TRIO: variants seen among roughly 807,000 people sequenced by gnomAD.
TRIO encodes trio Rho guanine nucleotide exchange factor, also known as triple functional domain protein.
Under a neutral mutation model 351.9 loss-of-function variants are expected in TRIO, and 58 were observed. The ratio of observed to expected loss-of-function variants is 0.16; its 90% CI spans 0.13 to 0.21. The LOEUF (loss-of-function observed/expected upper bound fraction) is 0.21, where lower values mean the gene tolerates loss of function less well. Ranked by LOEUF, TRIO falls within the 10% of genes least tolerant of loss-of-function variation. TRIO has a pLI of 1.00. For synonymous variants in TRIO, 1,758 were observed against 1,595.7 expected, an observed-to-expected ratio of 1.10 and a Z score of -2.42; for missense variants, 3,201 against 4,027.8, an observed-to-expected ratio of 0.79 and a Z score of 5.56.
At chr5:14,261,350 G>A (rs2152260668) in intron 1 of TRIO, among the ~76,000 whole-genome samples, 1 of 152,292 alleles carries the variant, frequency 6.6e-6, no homozygotes, top group Middle Eastern at 3.4e-3. Flanking sequence ...TGTGCTGGGA[G>A]GCCTCACAGA....
chr5:14,492,717 G>A lies in TRIO; in HGVS notation c.7783G>A (p.Ala2595Thr), dbSNP rs369051747. ...GAACATGTTTCTGGTGTTCCGAGCC[G>A]CCACTGACCAGTGCCCCGCAGCTGA... The part of the protein sequence containing the change: ...QQNMFLVFRA[A>T]TDQCPAAEGW... Residue 2595 changes from alanine to threonine, a missense_variant, in exon 49 of 57, where the codon GCC becomes ACC. Ala to Thr is a moderately conservative substitution (Grantham distance 58, BLOSUM62 0). This residue lies in a region of TRIO where 1,089 missense variants were observed against 954.9 expected (regional missense o/e 1.14). Transcript: ENST00000344204. 7.4e-6 allele frequency: 12 copies of A among 1,613,986 alleles called. No homozygotes were observed. Among genetic ancestry groups the A allele is most frequent in the African/African-American group, 2.7e-5 (2 of 74,920 alleles).
In TRIO at chr5:14,480,804, G is replaced by T. The variant is rs73749282; in HGVS notation, c.6337-430G>T. 4.3e-3 allele frequency among the ~76,000 whole-genome samples: 652 copies of T among 152,132 alleles called. 11 individuals carry two copies. The highest frequency in any genetic ancestry group is 0.015 in the African/African-American group (635 of 41,510). ...AATAATATGATAAAGTAGAACTAAG[G>T]CACCAGACAGGTGTGGTGGTACACA... On this transcript the variant is annotated intron_variant, in intron 43 of 56. Transcript: ENST00000344204.
At chr5:14,437,385 G>C (rs534556316) in intron 34 of TRIO, among the ~76,000 whole-genome samples, 1 of 152,130 alleles carries the variant, frequency 6.6e-6, no homozygotes, top group African/African-American at 2.4e-5. Context: ...GGGTGATGTT[G>C]TTCAGCTGGG....
At chr5:14,428,884 C>A (rs564189182) in intron 34 of TRIO, among the ~76,000 whole-genome samples, 1 of 152,148 alleles carries the variant, frequency 6.6e-6, no homozygotes. Context: ...GAGGGGGTGA[C>A]TCATGGGCCA....
At chr5:14,397,722 C>T (rs1317590934) in intron 29 of TRIO, among the ~76,000 whole-genome samples, 1 of 152,326 alleles carries the variant, frequency 6.6e-6, no homozygotes, top group African/African-American at 2.4e-5. Flanking sequence ...AAGTTTTAAT[C>T]CTGCCCCAAA....
Position 14,487,851 on chromosome 5 carries a change from C to A in TRIO, c.7223C>A (p.Pro2408Gln), listed in dbSNP as rs763823109. The stretch of plus-strand genomic sequence containing the variant: ...GAGGGGTCCGAGCGAGAAGCGGAGC[C>A]GATCCCCAAGATGAAGGTGCTGGAG... Reference protein sequence around the residue: ...DAEGSEREAEPIPKMKVLESP... With the variant: ...DAEGSEREAEQIPKMKVLESP... Residue 2408 changes from proline (P) to glutamine (Q), a missense_variant, in exon 48 of 57, where the codon CCG becomes CAG. Transcript: ENST00000344204. 23 of 1,528,190 alleles carry A rather than the reference C, an allele frequency of 1.5e-5. No individual in the cohort carries two copies. The African/African-American group carries it at 3.3e-4, about 22-fold the overall frequency. 94.7% of individuals were successfully genotyped at this position (1,528,190 alleles called of 1,614,324 possible).
At chr5:14,469,084 A>T (rs1754488873) in intron 37 of TRIO, among the ~76,000 whole-genome samples, 1 of 152,192 alleles carries the variant, frequency 6.6e-6, no homozygotes, top group African/African-American at 2.4e-5. Flanking sequence ...ATCAAAATAT[A>T]AAGGGAGAAA....
intron 33 of TRIO, 146 bp downstream of exon 33, chr5:14,406,818 T>G: frequency 1.3e-6 from 1 of 740,848 alleles, no homozygotes; most frequent in Non-Finnish European, 2.2e-6. Flanking sequence ...GATCCCGTGG[T>G]GGGGCAGAGA....
intron 34 of TRIO, among the ~76,000 whole-genome samples, chr5:14,442,713 C>A: frequency 6.6e-6 from 1 of 152,170 alleles, no homozygotes; most frequent in East Asian, 1.9e-4. Context: ...AATTCCTGCA[C>A]TGGGTGGGTT....
intron 48 of TRIO, among the ~76,000 whole-genome samples, chr5:14,490,363 CTG>C (rs1217851261): frequency 2.6e-5 from 4 of 152,242 alleles, no homozygotes; most frequent in South Asian, 4.1e-4. Flanking sequence ...GTCAAGCTGT[CTG>C]TGGTCACAGT....
intron 32 of TRIO, chr5:14,406,354 T>G: frequency 5.2e-6 from 3 of 576,764 alleles, no homozygotes; most frequent in Non-Finnish European, 6.2e-6. Flanking sequence ...CTATATTTTA[T>G]GGTGATGGGA....
intron 32 of TRIO, 153 bp from the exon 33 acceptor site, chr5:14,406,420 T>G: frequency 1.4e-6 from 1 of 708,004 alleles, no homozygotes; most frequent in Non-Finnish European, 2.5e-6. Flanking sequence ...AGAAAGCCTG[T>G]GCTCGGTGAA....
intron 9 of TRIO, among the ~76,000 whole-genome samples, chr5:14,318,647 T>G (rs1455443370): frequency 6.6e-6 from 1 of 152,138 alleles, no homozygotes; most frequent in East Asian, 1.9e-4. Context: ...AGAGAAAGAA[T>G]ACAGTGCAGG....
chr5:14,406,061 G>A lies in TRIO; in HGVS notation c.4859+71G>A, dbSNP rs2152380481. The A allele has an allele frequency of 1.9e-6, 3 of 1,549,022 alleles. No individual in the cohort carries two copies. The Admixed American group carries it at 6.0e-5, about 31-fold the overall frequency. On this transcript the variant is annotated intron_variant, in intron 32 of 56. Transcript: ENST00000344204. ...GGGCGAGGCGGTGTTAGCTCACCCT[G>A]CTTCAAAAATCCTTTCTCTCAAACA... is the stretch of plus-strand genomic sequence containing the variant.
At position 14,492,441 on chromosome 5, in the gene TRIO, G is replaced by T. The variant is rs1174593733; in HGVS notation, c.7633-126G>T. ...TAAAGGAAATGTTGAAAATTTCTCGGTGCTTGCCTGGTGAGCCCTGCACGG... is the reference window on the plus strand; with the variant it reads ...TAAAGGAAATGTTGAAAATTTCTCGTTGCTTGCCTGGTGAGCCCTGCACGG... On this transcript the variant is annotated intron_variant, in intron 48 of 56. Coordinates refer to ENST00000344204, the MANE Select transcript of TRIO (RefSeq NM_007118.4). 10 of 1,312,892 alleles carry T rather than the reference G, an allele frequency of 7.6e-6. No individual in the cohort carries two copies. In the African/African-American group the frequency reaches 1.3e-4, roughly 17 times the overall value. 81.3% of individuals were successfully genotyped at this position (1,312,892 alleles called of 1,614,324 possible).
intron 34 of TRIO, among the ~76,000 whole-genome samples, chr5:14,434,381 C>CT (rs1460914038): frequency 1.3e-5 from 2 of 152,010 alleles, no homozygotes; most frequent in African/African-American, 4.8e-5. Context: ...TGATACGTTT[C>CT]TTTTTCTACA....
chr5:14,479,181 GC>G (rs1561537425), intron 41 of TRIO, 79 bp from the exon 42 acceptor site: 1 of 1,188,812 alleles, frequency 8.4e-7, no homozygotes, highest in East Asian at 2.4e-5. Context: ...TTATGAATGT[GC>G]TGAAATGTGC....
In TRIO at chr5:14,504,480, G is replaced by A. The variant is rs1757522765; in HGVS notation, c.8499G>A (p.Lys2833=). The change falls in exon 55 of 57, where the codon AAG becomes AAA. Residue 2833 remains lysine, a synonymous_variant. Transcript: ENST00000344204. ...ATKFVNKKLM[K]RDQVTHELGI... The stretch of plus-strand genomic sequence containing the variant: ...AGTTTGTGAACAAGAAGTTGATGAA[G>A]CGCGACCAGGTCACCCATGAGCTTG... 1 of 1,614,090 alleles carries A rather than the reference G, an allele frequency of 6.2e-7. No homozygotes were observed. Among genetic ancestry groups the A allele is most frequent in the African/African-American group, 1.3e-5 (1 of 75,024 alleles).
At chr5:14,397,718 T>C (rs979995451) in intron 29 of TRIO, among the ~76,000 whole-genome samples, 1 of 152,212 alleles carries the variant, frequency 6.6e-6, no homozygotes, top group Non-Finnish European at 1.5e-5. Context: ...GAATAAGTTT[T>C]AATCCTGCCC....
Sources: gnomAD v4.1 joint callset for allele counts (sites outside exome capture counted in the v4.1 genomes callset) on GRCh38, gnomAD v4.1.1 for gene constraint, gnomAD v4.1.1 regional missense constraint, MANE v1.5 for transcripts, NCBI Gene and HGNC (gene_info 2026-07-23, HGNC 2026-07-21) for gene names.